The following KIRREL3 variants were observed in gnomAD, a reference collection of about 807,000 sequenced individuals.
KIRREL3 encodes the protein kirre like nephrin family adhesion molecule 3, also known as kin of IRRE-like protein 3.
KIRREL3 carries 36 observed loss-of-function variants against 89.7 expected under a neutral mutation model. That is an observed-to-expected ratio of 0.40 (90% confidence interval 0.31 to 0.53). The LOEUF (loss-of-function observed/expected upper bound fraction) is 0.53. Among genes scored for constraint, KIRREL3 ranks in the 20% least tolerant of loss-of-function variants. The pLI, the probability that KIRREL3 is intolerant of heterozygous loss-of-function variation, is 0.49. For missense variants in KIRREL3, 864 were observed against 1,056.6 expected (o/e 0.82, Z 2.53); for synonymous variants, 445 against 441.4 (o/e 1.01, Z -0.10).
At position 126,773,984 on chromosome 11, in the gene KIRREL3, G is replaced by T. The variant is rs775316318; in HGVS notation, c.56-211072C>A. Among the ~76,000 whole-genome samples, 53 of 152,106 alleles carry T rather than the reference G, an allele frequency of 3.5e-4. 1 individual carries two copies. The highest frequency in any genetic ancestry group is 1.0e-3 in the Admixed American group (16 of 15,270). On this transcript the variant is annotated intron_variant, in intron 1 of 16. Coordinates refer to ENST00000525144, the MANE Select transcript of KIRREL3 (RefSeq NM_032531.4). The surrounding 1 kb of genome is among the most constrained non-coding windows in gnomAD (Gnocchi z 4.2). The stretch of plus-strand genomic sequence containing the variant: ...AAATAGGAACAAAGCCAGGGACAGG[G>T]TAAGAGTCTCCGGCTGGAGAAAAAA...
chr11:126,880,366 T>C (rs1945452239), intron 1 of KIRREL3, among the ~76,000 whole-genome samples: 1 of 152,188 alleles, frequency 6.6e-6, no homozygotes, highest in African/African-American at 2.4e-5. Context: ...AGTCAAATCG[T>C]CCCTTCGTCT....
rs117632196 is a variant in KIRREL3 at position 126,443,925 on chromosome 11, G to T, written c.1252+1054C>A. 1.3e-5 allele frequency among the ~76,000 whole-genome samples: 2 copies of T among 152,162 alleles called. No individual in the cohort carries two copies. The highest frequency in any genetic ancestry group is 6.5e-5 in the Admixed American group (1 of 15,284). The stretch of plus-strand genomic sequence containing the variant: ...GGGCAGTGGGCATGACAGAGGTGAG[G>T]GGGGAGCATTCGGAAACGGCAGAGG... On this transcript the variant is annotated intron_variant, in intron 10 of 16. Coordinates refer to ENST00000525144, the MANE Select transcript of KIRREL3 (RefSeq NM_032531.4). The surrounding 1 kb of genome is among the most constrained non-coding windows in gnomAD (Gnocchi z 7.3).
intron 1 of KIRREL3, among the ~76,000 whole-genome samples, chr11:126,839,134 C>A (rs1943876263): frequency 6.6e-6 from 1 of 152,166 alleles, no homozygotes; most frequent in African/African-American, 2.4e-5. Flanking sequence ...ATGGAGAGCG[C>A]CTTTGTGCCT....
At chr11:126,786,014 G>T (rs1592126343) in intron 1 of KIRREL3, among the ~76,000 whole-genome samples, 1 of 148,186 alleles carries the variant, frequency 6.7e-6, no homozygotes, top group Non-Finnish European at 1.5e-5. Context: ...TGTCACTTTT[G>T]TCAACCTGTT....
At chr11:126,846,655 T>G (rs1377220115) in intron 1 of KIRREL3, among the ~76,000 whole-genome samples, 1 of 55,772 alleles carries the variant, frequency 1.8e-5, no homozygotes, top group Non-Finnish European at 3.3e-5. Context: ...TTGAGACTAC[T>G]AAAAACAAAA....
intron 1 of KIRREL3, among the ~76,000 whole-genome samples, chr11:126,779,594 G>T (rs977394173): frequency 6.6e-6 from 1 of 152,076 alleles, no homozygotes; most frequent in African/African-American, 2.4e-5. Flanking sequence ...AGGCTGTTTA[G>T]AATCAGGACA....
rs1036667152 is a variant in KIRREL3 at position 126,462,218 on chromosome 11, G to C, written c.742+939C>G. 3.3e-5 allele frequency among the ~76,000 whole-genome samples: 5 copies of C among 152,150 alleles called. No homozygotes were observed. The highest frequency in any genetic ancestry group is 7.3e-5 in the Non-Finnish European group (5 of 68,034). Reference sequence around the variant, plus strand: ...TGAATCCTAACACGGGCCACCGAGGGCTGGCTGGGCAGGAGTGTGGAGAGG... The same window carrying C: ...TGAATCCTAACACGGGCCACCGAGGCCTGGCTGGGCAGGAGTGTGGAGAGG... On this transcript the variant is annotated intron_variant, in intron 6 of 16. Coordinates refer to ENST00000525144, the MANE Select transcript of KIRREL3 (RefSeq NM_032531.4). This position sits in a 1 kb window ranked among gnomAD's most constrained non-coding sequence, Gnocchi z 4.8.
chr11:126,468,280 G>A (rs1956788023), intron 5 of KIRREL3, among the ~76,000 whole-genome samples: 1 of 152,230 alleles, frequency 6.6e-6, no homozygotes, highest in Admixed American at 6.5e-5. Flanking sequence ...AACAGGGAAG[G>A]AACCCACTGT....
Position 126,985,122 on chromosome 11 carries a change from G to A in KIRREL3, c.55+15333C>T, listed in dbSNP as rs1022547085. On this transcript the variant is annotated intron_variant, in intron 1 of 16. Coordinates refer to ENST00000525144, the MANE Select transcript of KIRREL3 (RefSeq NM_032531.4). This position sits in a 1 kb window ranked among gnomAD's most constrained non-coding sequence, Gnocchi z 5.3. Reference sequence around the variant, plus strand: ...ATCACCTTTTCCCCAAGGAGGACTCGGTGCTCATAGGTACTCGAGTTGTAC... The same window carrying A: ...ATCACCTTTTCCCCAAGGAGGACTCAGTGCTCATAGGTACTCGAGTTGTAC... Among the ~76,000 whole-genome samples the A allele has an allele frequency of 1.3e-5, 2 of 152,208 alleles. No homozygotes were observed. Among genetic ancestry groups the A allele is most frequent in the African/African-American group, 2.4e-5 (1 of 41,526 alleles).
In KIRREL3 at chr11:126,526,612, G is replaced by A; in HGVS notation, c.209C>T (p.Ala70Val). 6.2e-7 allele frequency: 1 copy of A among 1,605,172 alleles called. No individual in the cohort carries two copies. Among genetic ancestry groups the A allele is most frequent in the Non-Finnish European group, 8.5e-7 (1 of 1,176,006 alleles). ...VSGQPVTLLC[A>V]IPEYDGFVLW... ...AACGAAGCCATCGTATTCGGGGATGGCGCAAAGTAGCGTCACTGGCTGTCC... is the reference window on the plus strand; with the variant it reads ...AACGAAGCCATCGTATTCGGGGATGACGCAAAGTAGCGTCACTGGCTGTCC... The change falls in exon 3 of 17, where the codon GCC becomes GTC. Residue 70 changes from alanine (A) to valine (V), a missense_variant. Ala to Val is a moderately conservative substitution (Grantham distance 64). Coordinates refer to ENST00000525144, the MANE Select transcript of KIRREL3 (RefSeq NM_032531.4). This position sits in a 1 kb window ranked among gnomAD's most constrained non-coding sequence, Gnocchi z 5.7.
intron 4 of KIRREL3, among the ~76,000 whole-genome samples, chr11:126,497,207 TGA>T (rs780621913): frequency 0.22 from 8,230 of 37,276 alleles, 262 homozygotes; most frequent in South Asian, 0.36. Flanking sequence ...TGTGTGAGTG[TGA>T]GTGTGTGAGA....
At chr11:126,847,877 A>G (rs1944202008) in intron 1 of KIRREL3, among the ~76,000 whole-genome samples, 2 of 152,210 alleles carry the variant, frequency 1.3e-5, no homozygotes, top group Non-Finnish European at 2.9e-5. Flanking sequence ...AGTTATTTAC[A>G]TAAGTGTAAT....
Position 126,991,464 on chromosome 11 carries a change from C to T in KIRREL3, c.55+8991G>A, listed in dbSNP as rs998008309. ...GAAGCAAAGTCCCTGCCTTTGCTTC[C>T]TTCCTTTTTATTATTATTATTATTA... On this transcript the variant is annotated intron_variant, in intron 1 of 16. Coordinates refer to ENST00000525144, the MANE Select transcript of KIRREL3 (RefSeq NM_032531.4). This position sits in a 1 kb window ranked among gnomAD's most constrained non-coding sequence, Gnocchi z 5.8. Among the ~76,000 whole-genome samples, 3 of 147,818 alleles carry T rather than the reference C, an allele frequency of 2.0e-5. No homozygotes were observed. The highest frequency in any genetic ancestry group is 2.1e-4 in the South Asian group (1 of 4,700).
In KIRREL3 at chr11:126,708,348, C is replaced by G. The variant is rs1160560345; in HGVS notation, c.56-145436G>C. Among the ~76,000 whole-genome samples the G allele has an allele frequency of 6.6e-6, 1 of 152,090 alleles. No homozygotes were observed. The highest frequency in any genetic ancestry group is 1.9e-4 in the East Asian group (1 of 5,190). ...ATGTACTCCTCACCAAGGCATTTAG[C>G]CAGAAAAGTGCTCCTGCTTAGGAAT... On this transcript the variant is annotated intron_variant, in intron 1 of 16. Coordinates refer to ENST00000525144, the MANE Select transcript of KIRREL3 (RefSeq NM_032531.4). This position sits in a 1 kb window ranked among gnomAD's most constrained non-coding sequence, Gnocchi z 5.7.
In KIRREL3 at chr11:126,761,862, C is replaced by G. The variant is rs1592088236; in HGVS notation, c.56-198950G>C. Among the ~76,000 whole-genome samples, 1 of 152,242 alleles carries G rather than the reference C, an allele frequency of 6.6e-6. No homozygotes were observed. The highest frequency in any genetic ancestry group is 6.5e-5 in the Admixed American group (1 of 15,290). On this transcript the variant is annotated intron_variant, in intron 1 of 16. Transcript: ENST00000525144. This position sits in a 1 kb window ranked among gnomAD's most constrained non-coding sequence, Gnocchi z 4.4. ...CGCTTTCAATCTCATTTTCTGATAT[C>G]TAGTTGTGAATTTCCTATAATTAAA...
In KIRREL3 at chr11:126,931,233, T is replaced by C. The variant is rs1310520331; in HGVS notation, c.55+69222A>G. ...GGACACTGTTGTTTCTTGGACACTG[T>C]TGTTATCTCCAGAACCTATCGCAGT... On this transcript the variant is annotated intron_variant, in intron 1 of 16. Coordinates refer to ENST00000525144, the MANE Select transcript of KIRREL3 (RefSeq NM_032531.4). This position sits in a 1 kb window ranked among gnomAD's most constrained non-coding sequence, Gnocchi z 5.1. Among the ~76,000 whole-genome samples the C allele has an allele frequency of 6.6e-6, 1 of 152,214 alleles. No individual in the cohort carries two copies. Among genetic ancestry groups the C allele is most frequent in the African/African-American group, 2.4e-5 (1 of 41,454 alleles).
intron 1 of KIRREL3, among the ~76,000 whole-genome samples, chr11:126,982,270 G>A (rs1189638747): frequency 6.6e-6 from 1 of 152,222 alleles, no homozygotes; most frequent in Non-Finnish European, 1.5e-5. Context: ...AGCTGTCAGA[G>A]ACTTGTAAGG....
In KIRREL3 at chr11:126,685,582, C is replaced by A. The variant is rs1339475895; in HGVS notation, c.56-122670G>T. On this transcript the variant is annotated intron_variant, in intron 1 of 16. Coordinates refer to ENST00000525144, the MANE Select transcript of KIRREL3 (RefSeq NM_032531.4). This position sits in a 1 kb window ranked among gnomAD's most constrained non-coding sequence, Gnocchi z 5.5. ...TAATTATGACATGTTTTCCTCCTCT[C>A]TTTCCCCTGCCAGGGCAGGCTTGGC... 1.3e-5 allele frequency among the ~76,000 whole-genome samples: 2 copies of A among 152,358 alleles called. No homozygotes were observed. The highest frequency in any genetic ancestry group is 3.9e-4 in the East Asian group (2 of 5,192).
At position 126,575,854 on chromosome 11, in the gene KIRREL3, C is replaced by A. The variant is rs1382639284; in HGVS notation, c.56-12942G>T. On this transcript the variant is annotated intron_variant, in intron 1 of 16. Coordinates refer to ENST00000525144, the MANE Select transcript of KIRREL3 (RefSeq NM_032531.4). The surrounding 1 kb of genome is among the most constrained non-coding windows in gnomAD (Gnocchi z 7.0). ...TCCTCTGTGTGTGGCCTTCTCCACC[C>A]CTACCCTTGCAGATGGGCATCCCCT... is the stretch of plus-strand genomic sequence containing the variant. 6.6e-6 allele frequency among the ~76,000 whole-genome samples: 1 copy of A among 152,188 alleles called. No individual in the cohort carries two copies. Among genetic ancestry groups the A allele is most frequent in the Non-Finnish European group, 1.5e-5 (1 of 68,040 alleles).
Sources: allele counts gnomAD v4.1 joint callset (sites outside exome capture counted in the v4.1 genomes callset), GRCh38; gene constraint gnomAD v4.1.1; non-coding constraint Gnocchi (gnomAD v3.1); transcripts MANE v1.5; gene names NCBI Gene and HGNC (gene_info 2026-07-23, HGNC 2026-07-21).